The following KCNAB1 variants were observed in gnomAD, a reference collection of about 807,000 sequenced individuals.
KCNAB1 encodes the protein voltage-gated potassium channel subunit beta-1.
In KCNAB1, 35 loss-of-function variants were observed where a neutral mutation model predicts 64.6. The observed-to-expected ratio is 0.54, with a 90% CI of 0.41 to 0.72. KCNAB1 has a LOEUF of 0.72. Among genes scored for constraint, KCNAB1 ranks in the 30% least tolerant of loss-of-function variants. The pLI is 0.00. For synonymous variants in KCNAB1, 177 were observed against 183.8 expected, an observed-to-expected ratio of 0.96 and a Z score of 0.30; for missense variants, 401 against 512.9, an observed-to-expected ratio of 0.78 and a Z score of 2.11.
chr3:156,130,365 G>A (rs76298748), intron 1 of KCNAB1, among the ~76,000 whole-genome samples: 10,769 of 152,240 alleles, frequency 0.071, 470 homozygotes, highest in Non-Finnish European at 0.091. Flanking sequence ...CTTCCTGGGT[G>A]AGCTGACCAA....
At chr3:156,285,422 T>TA (rs1166280448) in intron 1 of KCNAB1, among the ~76,000 whole-genome samples, 13 of 152,298 alleles carry the variant, frequency 8.5e-5, no homozygotes, top group African/African-American at 3.1e-4. Context: ...CTCTCAGTGC[T>TA]ATGTCCAGGT....
intron 1 of KCNAB1, among the ~76,000 whole-genome samples, chr3:156,174,966 T>C (rs1712254658): frequency 6.6e-6 from 1 of 152,202 alleles, no homozygotes; most frequent in South Asian, 2.1e-4. Context: ...ATGGTGTTTC[T>C]CTGGCTGCCA....
intron 1 of KCNAB1, among the ~76,000 whole-genome samples, chr3:156,361,364 A>G (rs1725601176): frequency 6.6e-6 from 1 of 151,910 alleles, no homozygotes; most frequent in South Asian, 2.1e-4. Context: ...CCTATTCCAC[A>G]TGGCCACCCC....
At chr3:156,331,710 T>A (rs1253519430) in intron 1 of KCNAB1, among the ~76,000 whole-genome samples, 1 of 152,148 alleles carries the variant, frequency 6.6e-6, no homozygotes, top group Non-Finnish European at 1.5e-5. Context: ...GCTATGTCCA[T>A]GTTTGGCAGA....
At chr3:156,185,971 TC>T (rs1713164548) in intron 1 of KCNAB1, among the ~76,000 whole-genome samples, 1 of 152,196 alleles carries the variant, frequency 6.6e-6, no homozygotes, top group Non-Finnish European at 1.5e-5. Flanking sequence ...CCCACTTCCT[TC>T]CTTTCCTTCC....
intron 1 of KCNAB1, among the ~76,000 whole-genome samples, chr3:156,295,813 T>C (rs1301020691): frequency 6.6e-6 from 1 of 151,902 alleles, no homozygotes; most frequent in Non-Finnish European, 1.5e-5. Context: ...AGTCAGGGTA[T>C]TTAGGGTACA....
Position 156,452,968 on chromosome 3 carries a change from G to T in KCNAB1, c.357+32G>T. On this transcript the variant is annotated intron_variant, in intron 3 of 13. Coordinates refer to ENST00000490337, the MANE Select transcript of KCNAB1 (RefSeq NM_172160.3). This position sits in a 1 kb window ranked among gnomAD's most constrained non-coding sequence, Gnocchi z 4.6. ...TACCTTTGGCCTCTATTATGCTAATGAAAGAAAATGCAGAGAGAGCTGTAT... is the reference window on the plus strand; with the variant it reads ...TACCTTTGGCCTCTATTATGCTAATTAAAGAAAATGCAGAGAGAGCTGTAT... 6.6e-7 allele frequency: 1 copy of T among 1,520,110 alleles called. No individual in the cohort carries two copies. The allele number at this position is 1,520,110 out of a possible 1,614,324, so 94.2% of individuals were successfully genotyped here.
At chr3:156,388,124 C>T (rs995276402) in intron 1 of KCNAB1, among the ~76,000 whole-genome samples, 6 of 152,170 alleles carry the variant, frequency 3.9e-5, no homozygotes, top group Non-Finnish European at 8.8e-5. Context: ...CCAAGGGAGG[C>T]ATCACGGATC....
chr3:156,356,136 G>GA (rs911648618), intron 1 of KCNAB1, among the ~76,000 whole-genome samples: 3 of 134,374 alleles, frequency 2.2e-5, no homozygotes, highest in African/African-American at 5.7e-5. Context: ...AAAAAAAAAA[G>GA]AAAGAAAAGA....
At chr3:156,312,065 CA>C (rs1283178173) in intron 1 of KCNAB1, among the ~76,000 whole-genome samples, 1 of 152,212 alleles carries the variant, frequency 6.6e-6, no homozygotes, top group African/African-American at 2.4e-5. Context: ...TGTGCTCCCC[CA>C]ACCTTGCCTT....
At chr3:156,395,912 G>C (rs958442388) in intron 1 of KCNAB1, among the ~76,000 whole-genome samples, 1 of 152,190 alleles carries the variant, frequency 6.6e-6, no homozygotes, top group Admixed American at 6.5e-5. Context: ...CGTTGTTACC[G>C]TGTGTAGAAA....
chr3:156,295,176 T>A (rs1393078247), intron 1 of KCNAB1, among the ~76,000 whole-genome samples: 2 of 152,186 alleles, frequency 1.3e-5, no homozygotes, highest in South Asian at 2.1e-4. Context: ...CCAACTTAGT[T>A]GATCCATTTT....
At chr3:156,506,102 T>C (rs1367004951) in intron 8 of KCNAB1, among the ~76,000 whole-genome samples, 1 of 152,210 alleles carries the variant, frequency 6.6e-6, no homozygotes, top group Non-Finnish European at 1.5e-5. Flanking sequence ...TGATATTGCT[T>C]TCATGATTTA....
chr3:156,245,362 C>A (rs1381355744), intron 1 of KCNAB1, among the ~76,000 whole-genome samples: 1 of 152,114 alleles, frequency 6.6e-6, no homozygotes, highest in Non-Finnish European at 1.5e-5. Flanking sequence ...GATAATCATT[C>A]AGGGAAACCA....
chr3:156,323,006 A>G (rs1722765674), intron 1 of KCNAB1, among the ~76,000 whole-genome samples: 1 of 152,144 alleles, frequency 6.6e-6, no homozygotes, highest in Non-Finnish European at 1.5e-5. Flanking sequence ...CTCATATTTT[A>G]AATTATTTTT....
intron 2 of KCNAB1, among the ~76,000 whole-genome samples, chr3:156,430,832 C>G (rs1716157107): frequency 1.3e-5 from 2 of 152,174 alleles, no homozygotes; most frequent in African/African-American, 4.8e-5. Flanking sequence ...CCTTGCGTCT[C>G]TCACATTCAG....
At chr3:156,393,809 A>G (rs557400730) in intron 1 of KCNAB1, among the ~76,000 whole-genome samples, 44 of 152,354 alleles carry the variant, frequency 2.9e-4, no homozygotes, top group Non-Finnish European at 5.6e-4. Context: ...GGAATATGTG[A>G]TTAATCTATT....
intron 1 of KCNAB1, among the ~76,000 whole-genome samples, chr3:156,346,938 A>G (rs1724520313): frequency 6.6e-6 from 1 of 151,638 alleles, no homozygotes; most frequent in Non-Finnish European, 1.5e-5. Context: ...TTAGAGCAAT[A>G]GAATGAATCC....
At chr3:156,369,528 A>G (rs1392635059) in intron 1 of KCNAB1, among the ~76,000 whole-genome samples, 3 of 152,262 alleles carry the variant, frequency 2.0e-5, no homozygotes, top group Non-Finnish European at 4.4e-5. Context: ...CAGTTTGCGT[A>G]GCAAAGTTGC....
Sources: allele counts gnomAD v4.1 joint callset (sites outside exome capture counted in the v4.1 genomes callset), GRCh38; gene constraint gnomAD v4.1.1; non-coding constraint Gnocchi (gnomAD v3.1); transcripts MANE v1.5; gene names NCBI Gene and HGNC (gene_info 2026-07-23, HGNC 2026-07-21).